NCAM2: variants seen among roughly 807,000 people sequenced by gnomAD.
NCAM2 encodes the protein N-CAM-2.
A neutral mutation model predicts 98.1 loss-of-function variants in NCAM2; 30 were observed. The ratio of observed to expected loss-of-function variants is 0.31; its 90% confidence interval spans 0.23 to 0.41. The LOEUF (loss-of-function observed/expected upper bound fraction) is 0.41. NCAM2 is among the 10% of genes least tolerant of loss of function. The pLI is 1.00. For missense variants in NCAM2, 867 were observed against 1,005.8 expected (o/e 0.86, Z 1.87); for synonymous variants, 368 against 342.4 (o/e 1.07, Z -0.83).
chr21:21,329,904 G>T (rs892394824), intron 6 of NCAM2, among the ~76,000 whole-genome samples: 4 of 151,950 alleles, frequency 2.6e-5, no homozygotes, highest in African/African-American at 9.7e-5. Context: ...CCAGGAATTT[G>T]TCCATTTCTT....
At chr21:21,055,999 C>T (rs1475280360) in intron 1 of NCAM2, among the ~76,000 whole-genome samples, 1 of 151,964 alleles carries the variant, frequency 6.6e-6, no homozygotes, top group Non-Finnish European at 1.5e-5. Context: ...TCTTAAGGTA[C>T]CTCATTTTGC....
At chr21:21,350,928 A>G (rs2075317448) in intron 8 of NCAM2, among the ~76,000 whole-genome samples, 2 of 95,994 alleles carry the variant, frequency 2.1e-5, no homozygotes, top group Non-Finnish European at 4.0e-5. Context: ...TCTAGTAAAA[A>G]TACAAAAAAA....
At chr21:21,178,218 TTATC>T (rs1221694799) in intron 1 of NCAM2, among the ~76,000 whole-genome samples, 2 of 152,136 alleles carry the variant, frequency 1.3e-5, no homozygotes, top group Non-Finnish European at 2.9e-5. Context: ...ATGAATTAAT[TTATC>T]TATATTTTTA....
At chr21:21,392,431 T>A (rs190650664) in intron 9 of NCAM2, among the ~76,000 whole-genome samples, 16 of 152,372 alleles carry the variant, frequency 1.1e-4, no homozygotes, top group Admixed American at 2.6e-4. Flanking sequence ...TGTGTCTTTA[T>A]ACTAGAATGA....
At chr21:21,525,245 C>T (rs1989259600) in intron 16 of NCAM2, among the ~76,000 whole-genome samples, 1 of 151,940 alleles carries the variant, frequency 6.6e-6, no homozygotes, top group African/African-American at 2.4e-5. Flanking sequence ...AACGAAATTG[C>T]TAAGTCTATA....
intron 1 of NCAM2, among the ~76,000 whole-genome samples, chr21:21,166,198 C>T (rs1196771779): frequency 6.6e-6 from 1 of 152,038 alleles, no homozygotes; most frequent in African/African-American, 2.4e-5. Context: ...GTCATCAAGA[C>T]TTATATTATT....
chr21:21,322,432 C>A (rs893372553), intron 5 of NCAM2, among the ~76,000 whole-genome samples: 2 of 151,942 alleles, frequency 1.3e-5, no homozygotes, highest in African/African-American at 4.8e-5. Context: ...CAAACCTGTC[C>A]ATATGTCCCC....
intron 1 of NCAM2, among the ~76,000 whole-genome samples, chr21:21,238,961 C>T (rs1882285485): frequency 1.3e-5 from 2 of 152,070 alleles, no homozygotes. Context: ...TTTGTAACCT[C>T]TAGATACAAT....
chr21:21,114,818 A>C (rs2066521132), intron 1 of NCAM2, among the ~76,000 whole-genome samples: 1 of 113,174 alleles, frequency 8.8e-6, no homozygotes, highest in South Asian at 3.5e-4. Flanking sequence ...ATGTCTATTA[A>C]ATTCTGACTT....
At chr21:21,199,956 C>T (rs2147015195) in intron 1 of NCAM2, among the ~76,000 whole-genome samples, 1 of 152,130 alleles carries the variant, frequency 6.6e-6, no homozygotes, top group East Asian at 1.9e-4. Context: ...AGAGAGAATT[C>T]ACATGCTTTT....
chr21:21,031,585 T>G (rs2146223283), intron 1 of NCAM2, among the ~76,000 whole-genome samples: 1 of 152,270 alleles, frequency 6.6e-6, no homozygotes, highest in South Asian at 2.1e-4. Context: ...CATCTTGGTT[T>G]GGTTTTGGAA....
intron 1 of NCAM2, among the ~76,000 whole-genome samples, chr21:21,082,990 G>C (rs1265713750): frequency 6.6e-6 from 1 of 152,168 alleles, no homozygotes; most frequent in South Asian, 2.1e-4. Flanking sequence ...TCTACTGTTT[G>C]CTCCTTGAGC....
At chr21:21,072,442 A>T (rs537546654) in intron 1 of NCAM2, among the ~76,000 whole-genome samples, 1 of 152,184 alleles carries the variant, frequency 6.6e-6, no homozygotes, top group Non-Finnish European at 1.5e-5. Context: ...AAACTTACAA[A>T]ATTTCTAAAG....
intron 12 of NCAM2, among the ~76,000 whole-genome samples, chr21:21,432,639 G>A (rs188786804): frequency 1.4e-3 from 217 of 151,724 alleles, no homozygotes; most frequent in Non-Finnish European, 2.3e-3. Flanking sequence ...AAGAATAGGT[G>A]TGAAAATGAT....
At chr21:21,051,440 A>G in intron 1 of NCAM2, among the ~76,000 whole-genome samples, 1 of 152,232 alleles carries the variant, frequency 6.6e-6, no homozygotes, top group Non-Finnish European at 1.5e-5. Context: ...ATACTCACAT[A>G]GAGTTATAAC....
At chr21:21,426,633 G>C (rs2077219811) in intron 11 of NCAM2, among the ~76,000 whole-genome samples, 1 of 152,128 alleles carries the variant, frequency 6.6e-6, no homozygotes, top group African/African-American at 2.4e-5. Flanking sequence ...AATAATCACA[G>C]CCACACCACT....
intron 11 of NCAM2, among the ~76,000 whole-genome samples, chr21:21,429,532 T>A (rs956243657): frequency 2.0e-5 from 3 of 152,164 alleles, no homozygotes; most frequent in Non-Finnish European, 4.4e-5. Context: ...AGAATTGGCA[T>A]TTTTTAAGGG....
chr21:21,142,377 G>T (rs61646523), intron 1 of NCAM2, among the ~76,000 whole-genome samples: 180 of 107,064 alleles, frequency 1.7e-3, no homozygotes, highest in Middle Eastern at 8.2e-3. Flanking sequence ...TTTTTTTTAT[G>T]TTTTTTTTTT....
intron 5 of NCAM2, among the ~76,000 whole-genome samples, chr21:21,298,184 A>T (rs895072125): frequency 6.6e-6 from 1 of 151,792 alleles, no homozygotes; most frequent in Non-Finnish European, 1.5e-5. Context: ...TGAAAAGTTA[A>T]GTCAAAATTT....
Sources: gnomAD v4.1 joint callset for allele counts (sites outside exome capture counted in the v4.1 genomes callset) on GRCh38, gnomAD v4.1.1 for gene constraint, MANE v1.5 for transcripts, NCBI Gene and HGNC (gene_info 2026-07-23, HGNC 2026-07-21) for gene names.